The following THOC5 variants were observed in gnomAD, a reference collection of about 807,000 sequenced individuals.
THOC5 encodes THO complex subunit 5, also known as Fms-interacting protein.
A neutral mutation model predicts 92.9 loss-of-function variants in THOC5; 43 were observed. The ratio of observed to expected loss-of-function variants is 0.46; its 90% confidence interval spans 0.36 to 0.60. THOC5 has a LOEUF of 0.60. Among genes scored for constraint, THOC5 ranks in the 20% least tolerant of loss-of-function variants. The pLI is 0.00. For missense variants in THOC5, 659 were observed against 849.4 expected, an observed-to-expected ratio of 0.78 and a Z score of 2.79; for synonymous variants, 296 against 320.1, an observed-to-expected ratio of 0.92 and a Z score of 0.80.
At chr22:29,551,422 G>A (rs961321826) in intron 1 of THOC5, among the ~76,000 whole-genome samples, 3 of 152,030 alleles carry the variant, frequency 2.0e-5, no homozygotes, top group Admixed American at 1.3e-4. Flanking sequence ...GCAACAGAGC[G>A]AGATTCAGTC....
Position 29,536,745 on chromosome 22 carries a change from G to C in THOC5, c.600-7C>G, listed in dbSNP as rs775679412. ...TCGGTACTTCTCTGCCAGCCTGTTG[G>C]GGGAGGAAAGAGCATTGTCACCTGA... On this transcript the variant is annotated splice_region_variant and splice_polypyrimidine_tract_variant and intron_variant, in intron 6 of 19. Transcript: ENST00000490103. 3 of 1,537,124 alleles carry C rather than the reference G, an allele frequency of 2.0e-6. No individual in the cohort carries two copies. The highest frequency in any genetic ancestry group is 2.7e-6 in the Non-Finnish European group (3 of 1,109,886).
At chr22:29,528,513 G>T in intron 9 of THOC5, 47 bp from the exon 10 acceptor site, 1 of 1,605,058 alleles carries the variant, frequency 6.2e-7, no homozygotes. Context: ...GGCTCCAAAT[G>T]CTCCCTAAAG....
chr22:29,528,489 G>A, intron 9 of THOC5, 23 bp from the exon 10 acceptor site: 1 of 1,612,064 alleles, frequency 6.2e-7, no homozygotes, highest in African/African-American at 1.3e-5. Context: ...AGAGAAGGCA[G>A]CTAGAGGTGA....
At position 29,522,785 on chromosome 22, in the gene THOC5, G is replaced by T. The variant is rs975700761; in HGVS notation, c.1176-1686C>A. ...TGGGAGGCCGAGGCGGGCAGATCAT[G>T]AGGTCAAGAGATCGAGACCATCCTG... On this transcript the variant is annotated intron_variant, in intron 12 of 19. Coordinates refer to ENST00000490103, the MANE Select transcript of THOC5 (RefSeq NM_003678.5). Among the ~76,000 whole-genome samples, 11 of 151,722 alleles carry T rather than the reference G, an allele frequency of 7.3e-5. 1 individual carries two copies. The highest frequency in any genetic ancestry group is 2.6e-4 in the Admixed American group (4 of 15,230).
chr22:29,543,057 G>T, intron 4 of THOC5, 101 bp from the exon 5 acceptor site: 1 of 840,224 alleles, frequency 1.2e-6, no homozygotes, highest in Non-Finnish European at 1.9e-6. Flanking sequence ...TAAAGAAGGG[G>T]ATGGGGCTGG....
In THOC5 at chr22:29,512,092, TGGA is replaced by T. The variant is rs2063235451; in HGVS notation, c.1723_1725del (p.Ser575del). 1 of 1,614,002 alleles carries T rather than the reference TGGA, an allele frequency of 6.2e-7. No individual in the cohort carries two copies. Among genetic ancestry groups the T allele is most frequent in the African/African-American group, 1.3e-5 (1 of 74,914 alleles). Reference sequence around the variant, plus strand: ...AAACAGAGCTGGAAAACAGGTGGGATGGAGGAGTAGCCAGGGTTCAACACCACA... The same window carrying T: ...AAACAGAGCTGGAAAACAGGTGGGATGGAGTAGCCAGGGTTCAACACCACA... On this transcript the variant is annotated inframe_deletion, in exon 18 of 20. Transcript: ENST00000490103.
intron 1 of THOC5, among the ~76,000 whole-genome samples, chr22:29,552,329 T>C (rs1390377536): frequency 2.0e-5 from 3 of 149,660 alleles, no homozygotes; most frequent in Non-Finnish European, 3.0e-5. Flanking sequence ...CCATCCCGTC[T>C]AGGAAGTGAG....
At position 29,552,806 on chromosome 22, in the gene THOC5, A is replaced by G. The variant is rs543807584; in HGVS notation, c.-12+865T>C. ...GGTTTTGTCTAGTAGAGAGGGGGGAAATGTGGGGAAAAGATAGAGAAATCG... is the reference window on the plus strand; with the variant it reads ...GGTTTTGTCTAGTAGAGAGGGGGGAGATGTGGGGAAAAGATAGAGAAATCG... On this transcript the variant is annotated intron_variant, in intron 1 of 19. Coordinates refer to ENST00000490103, the MANE Select transcript of THOC5 (RefSeq NM_003678.5). Among the ~76,000 whole-genome samples the G allele has an allele frequency of 1.1e-4, 16 of 152,268 alleles. No homozygotes were observed. In the East Asian group the frequency reaches 3.1e-3, roughly 29 times the overall value.
At chr22:29,519,206 C>T (rs1036556826) in intron 14 of THOC5, 86 bp from the exon 15 acceptor site, 9 of 859,892 alleles carry the variant, frequency 1.0e-5, no homozygotes, top group Admixed American at 8.9e-5. Flanking sequence ...TGCCTGTCTG[C>T]GGCACCCTGG....
chr22:29,551,820 C>G (rs896794559), intron 1 of THOC5, among the ~76,000 whole-genome samples: 11 of 135,430 alleles, frequency 8.1e-5, no homozygotes, highest in African/African-American at 3.0e-4. Flanking sequence ...TCTCCACGGT[C>G]TCCCTCTGAT....
intron 5 of THOC5, among the ~76,000 whole-genome samples, chr22:29,540,109 G>A (rs771658408): frequency 1.8e-4 from 28 of 152,094 alleles, no homozygotes; most frequent in Non-Finnish European, 3.2e-4. Context: ...GTGAAACCCC[G>A]TCTCTACTAA....
In THOC5 at chr22:29,541,875, A is replaced by T. The variant is rs1220369257; in HGVS notation, c.452+984T>A. ...GACTCCATCTCCAAAAAAAAAAAAA[A>T]AAAAAAAAAAAAAAAAAAATATATA... On this transcript the variant is annotated intron_variant, in intron 5 of 19. Transcript: ENST00000490103. 3.2e-4 allele frequency among the ~76,000 whole-genome samples: 21 copies of T among 66,512 alleles called. 2 individuals are homozygous for T. In the East Asian group the frequency reaches 4.2e-3, roughly 13 times the overall value. 43.6% of individuals were successfully genotyped at this position (66,512 alleles called of 152,430 possible). A position where few individuals can be genotyped will look rare whatever the true frequency, so the allele number is the denominator to read the frequency against.
At chr22:29,552,946 C>G (rs1216098548) in intron 1 of THOC5, among the ~76,000 whole-genome samples, 1 of 152,172 alleles carries the variant, frequency 6.6e-6, no homozygotes, top group African/African-American at 2.4e-5. Context: ...TACCCCCAAC[C>G]CCGTGCTCTC....
chr22:29,519,479 TG>T (rs2063397263), intron 14 of THOC5, among the ~76,000 whole-genome samples: 4 of 152,202 alleles, frequency 2.6e-5, no homozygotes, highest in African/African-American at 7.2e-5. Context: ...TCAAGTTGCC[TG>T]GGTCTAAAAG....
Position 29,539,438 on chromosome 22 carries a change from T to G in THOC5, c.491A>C (p.Glu164Ala), listed in dbSNP as rs758237134. ...HEEIDLVSLEEFYKEAPPDIS... is the reference protein window; with the variant it reads ...HEEIDLVSLEAFYKEAPPDIS... Reference sequence around the variant, plus strand: ...ATCTGGTGGAGCCTCCTTATAAAACTCCTCTAAACTGACCAGATCAATTTC... The same window carrying G: ...ATCTGGTGGAGCCTCCTTATAAAACGCCTCTAAACTGACCAGATCAATTTC... The change falls in exon 6 of 20, where the codon GAG becomes GCG. Residue 164 changes from glutamate (E) to alanine (A), a missense_variant. Physicochemically the swap from Glu to Ala is moderately radical, Grantham distance 107 (BLOSUM62 -1). Coordinates refer to ENST00000490103, the MANE Select transcript of THOC5 (RefSeq NM_003678.5). 1.8e-5 allele frequency: 29 copies of G among 1,613,926 alleles called. 1 individual carries two copies. The Admixed American group carries it at 4.8e-4, about 27-fold the overall frequency.
intron 7 of THOC5, chr22:29,535,531 G>A (rs1383500341): frequency 6.6e-6 from 1 of 152,042 alleles, no homozygotes; most frequent in African/African-American, 2.4e-5. Flanking sequence ...TCTACAACTT[G>A]CATTTCTTAT....
chr22:29,529,080 C>T, intron 9 of THOC5, 82 bp downstream of exon 9: 1 of 1,342,712 alleles, frequency 7.4e-7, no homozygotes, highest in Non-Finnish European at 1.1e-6. Context: ...CAGAACTAGT[C>T]CAGCTAGTTC....
chr22:29,531,366 C>T (rs770058804), intron 8 of THOC5: 2 of 985,424 alleles, frequency 2.0e-6, no homozygotes, highest in Non-Finnish European at 2.4e-6. Context: ...TGCCCTCAAG[C>T]TTAATGAGGA....
At chr22:29,548,758 T>A (rs567519437) in intron 2 of THOC5, among the ~76,000 whole-genome samples, 5 of 152,284 alleles carry the variant, frequency 3.3e-5, no homozygotes, top group Admixed American at 3.3e-4. Flanking sequence ...GCAGATGGAC[T>A]ACCTTCTTCT....
Sources: gnomAD v4.1 joint callset for allele counts (sites outside exome capture counted in the v4.1 genomes callset) on GRCh38, gnomAD v4.1.1 for gene constraint, MANE v1.5 for transcripts, NCBI Gene and HGNC (gene_info 2026-07-23, HGNC 2026-07-21) for gene names.